Variants in NR6A1 observed in about 807,000 individuals in gnomAD.
The protein encoded by NR6A1 is retinoic acid receptor-related testis-associated receptor.
A neutral mutation model predicts 59.1 loss-of-function variants in NR6A1; 7 were observed. The ratio of observed to expected loss-of-function variants is 0.12; its 90% confidence interval spans 0.07 to 0.22. NR6A1 has a LOEUF of 0.22. Among genes scored for constraint, NR6A1 ranks in the 10% least tolerant of loss-of-function variants. The pLI, the probability that NR6A1 is intolerant of heterozygous loss-of-function variation, is 1.00. For missense variants in NR6A1, 468 were observed against 611.6 expected (o/e 0.77, Z 2.48); for synonymous variants, 243 against 236.1 (o/e 1.03, Z -0.27).
At chr9:124,751,888 T>C (rs1840510174) in intron 1 of NR6A1, among the ~76,000 whole-genome samples, 1 of 152,254 alleles carries the variant, frequency 6.6e-6, no homozygotes, top group African/African-American at 2.4e-5. Flanking sequence ...AATTTTTTTC[T>C]TTTAGTAACT....
At chr9:124,755,921 A>G (rs1235400166) in intron 1 of NR6A1, among the ~76,000 whole-genome samples, 1 of 152,188 alleles carries the variant, frequency 6.6e-6, no homozygotes, top group Non-Finnish European at 1.5e-5. Flanking sequence ...GATGGGGAAA[A>G]GATAGATCTT....
intron 2 of NR6A1, among the ~76,000 whole-genome samples, chr9:124,730,562 T>TG (rs1839852735): frequency 6.6e-6 from 1 of 150,980 alleles, no homozygotes; most frequent in African/African-American, 2.4e-5. Context: ...AGTCTTTTTT[T>TG]TTTTTTTTTT....
intron 2 of NR6A1, among the ~76,000 whole-genome samples, chr9:124,600,652 A>G (rs189779881): frequency 1.3e-5 from 2 of 152,304 alleles, no homozygotes; most frequent in South Asian, 2.1e-4. Context: ...ACCACTCCAT[A>G]CTAACTCACA....
intron 2 of NR6A1, among the ~76,000 whole-genome samples, chr9:124,700,729 T>G (rs1409360889): frequency 3.3e-5 from 5 of 151,420 alleles, no homozygotes; most frequent in African/African-American, 1.2e-4. Context: ...TTTATAATAA[T>G]GCTATCAATA....
intron 2 of NR6A1, among the ~76,000 whole-genome samples, chr9:124,559,433 C>CA (rs1834017502): frequency 1.3e-5 from 2 of 152,130 alleles, no homozygotes; most frequent in Non-Finnish European, 2.9e-5. Context: ...AATAAATGTA[C>CA]AATCTAACCT....
intron 2 of NR6A1, among the ~76,000 whole-genome samples, chr9:124,572,884 T>A (rs1834479657): frequency 6.6e-6 from 1 of 152,094 alleles, no homozygotes; most frequent in South Asian, 2.1e-4. Context: ...AAATAATTGT[T>A]TTTCCAACCA....
chr9:124,688,204 A>G (rs1838406842), intron 2 of NR6A1, among the ~76,000 whole-genome samples: 1 of 152,142 alleles, frequency 6.6e-6, no homozygotes, highest in Admixed American at 6.5e-5. Flanking sequence ...ATGCACCTGC[A>G]GTTCTAGCTA....
intron 2 of NR6A1, among the ~76,000 whole-genome samples, chr9:124,731,366 T>C (rs1839879318): frequency 7.2e-6 from 1 of 139,282 alleles, no homozygotes; most frequent in Non-Finnish European, 1.5e-5. Context: ...CGAAACTCCA[T>C]CTCGAAAAAA....
intron 2 of NR6A1, among the ~76,000 whole-genome samples, chr9:124,689,082 T>C (rs1001154927): frequency 2.6e-5 from 4 of 152,164 alleles, no homozygotes; most frequent in Admixed American, 6.5e-5. Flanking sequence ...TAGTCAGAGA[T>C]TGTTTTAACT....
chr9:124,597,320 T>C (rs1588697664), intron 2 of NR6A1, among the ~76,000 whole-genome samples: 1 of 130,060 alleles, frequency 7.7e-6, no homozygotes, highest in East Asian at 2.6e-4. Context: ...TTCTTCTCAG[T>C]CCCTGTGGAT....
chr9:124,702,940 A>G (rs1438090361), intron 2 of NR6A1, among the ~76,000 whole-genome samples: 1 of 150,984 alleles, frequency 6.6e-6, no homozygotes, highest in Non-Finnish European at 1.5e-5. Flanking sequence ...TCACTCTGTC[A>G]CCCAGGCTGG....
intron 2 of NR6A1, among the ~76,000 whole-genome samples, chr9:124,716,197 C>A: frequency 6.6e-6 from 1 of 151,980 alleles, no homozygotes; most frequent in Middle Eastern, 3.4e-3. Context: ...AGAGTGAGGC[C>A]CTGTCTCAAA....
chr9:124,676,359 C>T (rs1042483340), intron 2 of NR6A1, among the ~76,000 whole-genome samples: 3 of 152,070 alleles, frequency 2.0e-5, no homozygotes, highest in African/African-American at 7.2e-5. Context: ...CAGATTCTTA[C>T]ATCATTACTC....
intron 1 of NR6A1, among the ~76,000 whole-genome samples, chr9:124,761,753 T>G (rs1335184759): frequency 6.6e-6 from 1 of 152,236 alleles, no homozygotes; most frequent in Non-Finnish European, 1.5e-5. Context: ...TCTTATAAAT[T>G]GTTCATTATT....
chr9:124,617,280 C>A (rs972856914), intron 2 of NR6A1, among the ~76,000 whole-genome samples: 3 of 152,182 alleles, frequency 2.0e-5, no homozygotes, highest in African/African-American at 4.8e-5. Context: ...TCCCGGGTGG[C>A]CCTTATCCTA....
intron 2 of NR6A1, among the ~76,000 whole-genome samples, chr9:124,562,439 G>A (rs1432375357): frequency 6.6e-6 from 1 of 151,146 alleles, no homozygotes; most frequent in African/African-American, 2.4e-5. Flanking sequence ...TTTTTTTTTG[G>A]ATACAGGGTT....
At chr9:124,721,853 A>T (rs1476025920) in intron 2 of NR6A1, among the ~76,000 whole-genome samples, 1 of 151,866 alleles carries the variant, frequency 6.6e-6, no homozygotes, top group East Asian at 1.9e-4. Context: ...ACAGGATAGA[A>T]ATTAATTATT....
intron 2 of NR6A1, among the ~76,000 whole-genome samples, chr9:124,721,324 T>C (rs888207433): frequency 1.3e-5 from 2 of 151,936 alleles, no homozygotes; most frequent in African/African-American, 2.4e-5. Flanking sequence ...GGGATGAGAG[T>C]TCACCCTAAG....
chr9:124,558,002 G>T (rs929223547), intron 2 of NR6A1, among the ~76,000 whole-genome samples: 3 of 152,116 alleles, frequency 2.0e-5, no homozygotes, highest in Admixed American at 2.0e-4. Flanking sequence ...CCCATACATA[G>T]GTGAGTACAA....
Sources: gnomAD v4.1 joint callset for allele counts (sites outside exome capture counted in the v4.1 genomes callset) on GRCh38, gnomAD v4.1.1 for gene constraint, MANE v1.5 for transcripts, NCBI Gene and HGNC (gene_info 2026-07-23, HGNC 2026-07-21) for gene names.